The following CFAP20DC variants were observed in gnomAD, a reference collection of about 807,000 sequenced individuals.
CFAP20DC encodes protein CFAP20DC.
In CFAP20DC, 84 loss-of-function variants were observed where a neutral mutation model predicts 101.7. The ratio of observed to expected loss-of-function variants is 0.83; its 90% CI spans 0.69 to 0.99. The LOEUF is 0.99. Ranked by LOEUF, CFAP20DC falls within the 50% of genes least tolerant of loss-of-function variation. The probability of loss-of-function intolerance (pLI) is 0.00; values close to 1 mark genes in which losing one functional copy is unlikely to be tolerated. For missense variants in CFAP20DC, 1,007 were observed against 970.3 expected, an observed-to-expected ratio of 1.04 and a Z score of -0.50; for synonymous variants, 359 against 351.2, an observed-to-expected ratio of 1.02 and a Z score of -0.25.
At position 59,049,691 on chromosome 3, in the gene CFAP20DC, G is replaced by A. The variant is rs1313561104; in HGVS notation, c.-60C>T. ...GTTCAGGGTTTCCAGCGAGTGGCGT[G>A]ACCCTGACGGCTGGAAATCGGCTGG... On this transcript the variant is annotated 5_prime_UTR_variant, in exon 1 of 17. Coordinates refer to ENST00000482387, the MANE Select transcript of CFAP20DC (RefSeq NM_001394063.1). 6 of 1,524,056 alleles carry A rather than the reference G, an allele frequency of 3.9e-6. No individual in the cohort carries two copies. The highest frequency in any genetic ancestry group is 5.3e-6 in the Non-Finnish European group (6 of 1,140,320). The allele number at this position is 1,524,056 out of a possible 1,614,324, so 94.4% of individuals were successfully genotyped here.
chr3:58,979,485 T>C (rs970064204), intron 4 of CFAP20DC, among the ~76,000 whole-genome samples: 19 of 152,222 alleles, frequency 1.2e-4, no homozygotes, highest in African/African-American at 4.6e-4. Flanking sequence ...ATTCAAATAC[T>C]GAGGAATGAG....
intron 5 of CFAP20DC, among the ~76,000 whole-genome samples, chr3:58,932,398 A>G (rs572765130): frequency 0.04 from 6,151 of 152,136 alleles, 198 homozygotes; most frequent in Non-Finnish European, 0.066. Flanking sequence ...GCAGGCCAAC[A>G]TTCAGATTCA....
In CFAP20DC at chr3:58,721,797, T is replaced by G. The variant is rs1283777981; in HGVS notation, c.198-4169A>C. Among the ~76,000 whole-genome samples, 1 of 152,198 alleles carries G rather than the reference T, an allele frequency of 6.6e-6. No individual in the cohort carries two copies. The highest frequency in any genetic ancestry group is 1.5e-5 in the Non-Finnish European group (1 of 68,040). The stretch of plus-strand genomic sequence containing the variant: ...CTATTCTTTTCTCAACACATTCCTT[T>G]CAGAGAACCAGGGCAGGAATCCAAA... On this transcript the variant is annotated intron_variant, in intron 3 of 3. Coordinates refer to the CFAP20DC transcript ENST00000486145. The surrounding 1 kb of genome is among the most constrained non-coding windows in gnomAD (Gnocchi z 5.2).
chr3:58,769,693 T>C (rs1308332955), intron 15 of CFAP20DC, among the ~76,000 whole-genome samples: 1 of 151,970 alleles, frequency 6.6e-6, no homozygotes, highest in African/African-American at 2.4e-5. Flanking sequence ...ATGTCTCCCC[T>C]CCTAAAAGTG....
At chr3:58,994,005 G>A (rs1387982598) in intron 4 of CFAP20DC, among the ~76,000 whole-genome samples, 1 of 152,160 alleles carries the variant, frequency 6.6e-6, no homozygotes, top group Non-Finnish European at 1.5e-5. Context: ...GAGGAATCAT[G>A]ACACTGTCTT....
intron 4 of CFAP20DC, among the ~76,000 whole-genome samples, chr3:59,035,601 A>C (rs1161938189): frequency 6.6e-6 from 1 of 152,214 alleles, no homozygotes; most frequent in Non-Finnish European, 1.5e-5. Flanking sequence ...TCTAGAAGAA[A>C]TGGATAAATT....
At chr3:59,034,559 AAC>A (rs2094058772) in intron 4 of CFAP20DC, among the ~76,000 whole-genome samples, 1 of 152,074 alleles carries the variant, frequency 6.6e-6, no homozygotes, top group Admixed American at 6.5e-5. Context: ...TCTCTGATAA[AAC>A]AGACTTTAAA....
chr3:59,011,145 C>T (rs935630760), intron 4 of CFAP20DC, among the ~76,000 whole-genome samples: 1 of 152,200 alleles, frequency 6.6e-6, no homozygotes, highest in Non-Finnish European at 1.5e-5. Flanking sequence ...CGCCTGTAAT[C>T]CCAGCACTCT....
Position 58,859,240 on chromosome 3 carries a change from C to T in CFAP20DC, c.1593+4318G>A, listed in dbSNP as rs1489779421. Among the ~76,000 whole-genome samples the T allele has an allele frequency of 6.6e-6, 1 of 152,140 alleles. No individual in the cohort carries two copies. Among genetic ancestry groups the T allele is most frequent in the Non-Finnish European group, 1.5e-5 (1 of 68,020 alleles). ...ACTTTCATGACATCTTTACCTATAG[C>T]AAATGATACTTTACAGACAAATCAT... On this transcript the variant is annotated intron_variant, in intron 12 of 16. Coordinates refer to ENST00000482387, the MANE Select transcript of CFAP20DC (RefSeq NM_001394063.1). The surrounding 1 kb of genome is among the most constrained non-coding windows in gnomAD (Gnocchi z 4.1).
rs1412152251 is a variant in CFAP20DC, at chr3:58,799,758, TG to T, written c.2237+6636del. ...CTGTGTGTGTGTGTGTGTGTGTGTG[TG>T]TGTGTGTGTAGAAAACAGACAAACA... On this transcript the variant is annotated intron_variant, in intron 15 of 16. Transcript: ENST00000482387. This position sits in a 1 kb window ranked among gnomAD's most constrained non-coding sequence, Gnocchi z 4.9. Among the ~76,000 whole-genome samples the T allele has an allele frequency of 2.0e-5, 3 of 150,802 alleles. No homozygotes were observed. The highest frequency in any genetic ancestry group is 7.4e-5 in the African/African-American group (3 of 40,714).
chr3:58,863,414 G>T lies in CFAP20DC; in HGVS notation c.1593+144C>A. 7.0e-7 allele frequency: 1 copy of T among 1,431,474 alleles called. No homozygotes were observed. The highest frequency in any genetic ancestry group is 9.1e-7 in the Non-Finnish European group (1 of 1,098,028). The allele number at this position is 1,431,474 out of a possible 1,614,324, so 88.7% of individuals were successfully genotyped here. On this transcript the variant is annotated intron_variant, in intron 12 of 16. Coordinates refer to ENST00000482387, the MANE Select transcript of CFAP20DC (RefSeq NM_001394063.1). This position sits in a 1 kb window ranked among gnomAD's most constrained non-coding sequence, Gnocchi z 5.9. ...TTTAAAGTTACCATAACAACCTGAT[G>T]CAACTGTGGACTGACATGGCAATCT...
At chr3:58,738,109 T>G (rs941489296), downstream of CFAP20DC, among the ~76,000 whole-genome samples, 4 of 152,210 alleles carry the variant, frequency 2.6e-5, no homozygotes, top group Non-Finnish European at 5.9e-5. This position sits in a 1 kb window ranked among gnomAD's most constrained non-coding sequence, Gnocchi z 4.4. Context: ...TTTTCTGGAA[T>G]GCAAAATGAA....
intron 1 of CFAP20DC, among the ~76,000 whole-genome samples, chr3:59,047,787 C>G (rs1029462647): frequency 1.3e-5 from 2 of 152,092 alleles, no homozygotes; most frequent in Non-Finnish European, 2.9e-5. Flanking sequence ...ACATAAGATA[C>G]TAAACATTAA....
chr3:58,777,409 G>A (rs374407862), intron 15 of CFAP20DC, among the ~76,000 whole-genome samples: 8 of 152,174 alleles, frequency 5.3e-5, no homozygotes, highest in African/African-American at 1.9e-4. Context: ...TCACAGGCGT[G>A]CATCATTAAC....
chr3:58,937,849 T>C (rs2087924892), intron 4 of CFAP20DC, 87 bp from the exon 5 acceptor site: 1 of 761,644 alleles, frequency 1.3e-6, no homozygotes. Flanking sequence ...ATATAATTTA[T>C]CATACAGACC....
intron 4 of CFAP20DC, among the ~76,000 whole-genome samples, chr3:59,038,362 C>A (rs2094140422): frequency 6.6e-6 from 1 of 152,014 alleles, no homozygotes. Flanking sequence ...GAAAATAGAC[C>A]AGCTTGGCCA....
At chr3:58,999,182 C>A (rs2093231255) in intron 4 of CFAP20DC, among the ~76,000 whole-genome samples, 1 of 152,200 alleles carries the variant, frequency 6.6e-6, no homozygotes, top group Non-Finnish European at 1.5e-5. Flanking sequence ...ATTGTGAACA[C>A]ACAGATTATG....
chr3:58,945,400 T>C (rs1305122407), intron 4 of CFAP20DC, among the ~76,000 whole-genome samples: 1 of 152,208 alleles, frequency 6.6e-6, no homozygotes, highest in Non-Finnish European at 1.5e-5. Flanking sequence ...TTACCTTTTG[T>C]GTGTATGTGT....
intron 12 of CFAP20DC, among the ~76,000 whole-genome samples, chr3:58,858,605 A>G (rs10049357): frequency 6.6e-6 from 1 of 152,162 alleles, no homozygotes; most frequent in Non-Finnish European, 1.5e-5. Context: ...AGTGGATGAT[A>G]ATATTTATTC....
Sources: gnomAD v4.1 joint callset for allele counts (sites outside exome capture counted in the v4.1 genomes callset) on GRCh38, gnomAD v4.1.1 for gene constraint, Gnocchi (gnomAD v3.1) non-coding constraint, MANE v1.5 for transcripts, NCBI Gene and HGNC (gene_info 2026-07-23, HGNC 2026-07-21) for gene names.